The following CDC42SE2 variants were observed in gnomAD, a reference collection of about 807,000 sequenced individuals.
The protein encoded by CDC42SE2 is CDC42 small effector protein 2.
Under a neutral mutation model 11.5 loss-of-function variants are expected in CDC42SE2, and 3 were observed. The ratio of observed to expected loss-of-function variants is 0.26; its 90% CI spans 0.12 to 0.67. The LOEUF (loss-of-function observed/expected upper bound fraction) is 0.67, where lower values mean the gene tolerates loss of function less well. CDC42SE2 is among the 30% of genes least tolerant of loss of function. The probability of loss-of-function intolerance (pLI) is 0.80; values close to 1 mark genes in which losing one functional copy is unlikely to be tolerated. For missense variants in CDC42SE2, 82 were observed against 106.8 expected, an observed-to-expected ratio of 0.77 and a Z score of 1.02; for synonymous variants, 33 against 34.8, an observed-to-expected ratio of 0.95 and a Z score of 0.18.
At chr5:131,275,872 C>T (rs573775560) in intron 1 of CDC42SE2, among the ~76,000 whole-genome samples, 1 of 150,652 alleles carries the variant, frequency 6.6e-6, no homozygotes, top group South Asian at 2.1e-4. Flanking sequence ...CCTAGTTACT[C>T]TCCTTTCAAA....
chr5:131,265,180 G>T (rs1370708159), intron 1 of CDC42SE2, among the ~76,000 whole-genome samples: 1 of 152,026 alleles, frequency 6.6e-6, no homozygotes, highest in Non-Finnish European at 1.5e-5. Context: ...TGAACAGTCC[G>T]TTCTTACTCT....
chr5:131,315,440 T>C (rs1758021500), intron 1 of CDC42SE2, among the ~76,000 whole-genome samples: 1 of 152,210 alleles, frequency 6.6e-6, no homozygotes, highest in Admixed American at 6.5e-5. Context: ...CAAGCTCAGA[T>C]GTCTGCAGGG....
chr5:131,384,530 A>T (rs183623858), intron 3 of CDC42SE2, among the ~76,000 whole-genome samples: 49 of 152,316 alleles, frequency 3.2e-4, no homozygotes, highest in Non-Finnish European at 5.7e-4. Flanking sequence ...GCAGAGCCCC[A>T]TAGTAGGACA....
At chr5:131,364,500 C>T (rs1002279036) in intron 3 of CDC42SE2, among the ~76,000 whole-genome samples, 2 of 152,182 alleles carry the variant, frequency 1.3e-5, no homozygotes, top group African/African-American at 4.8e-5. Context: ...CATGAAAAGA[C>T]TGGTTTTTAT....
At position 131,265,116 on chromosome 5, in the gene CDC42SE2, T is replaced by C. The variant is rs552100042; in HGVS notation, c.-455+950T>C. 3.8e-4 allele frequency among the ~76,000 whole-genome samples: 58 copies of C among 152,314 alleles called. 1 individual carries two copies. The highest frequency in any genetic ancestry group is 2.1e-3 in the Admixed American group (32 of 15,302). ...TTAAGGAAAGAATGTCGGCAAACAG[T>C]ATGTATTTTTGATATACGTTTTTTA... On this transcript the variant is annotated intron_variant, in intron 1 of 4. Transcript: ENST00000505065.
intron 2 of CDC42SE2, among the ~76,000 whole-genome samples, chr5:131,344,143 C>T (rs937667857): frequency 2.0e-5 from 3 of 152,150 alleles, no homozygotes; most frequent in Admixed American, 1.3e-4. Context: ...ACTGAGGTAC[C>T]GGGTTCATCT....
At chr5:131,325,679 C>G (rs926828884) in intron 2 of CDC42SE2, among the ~76,000 whole-genome samples, 1 of 152,088 alleles carries the variant, frequency 6.6e-6, no homozygotes, top group African/African-American at 2.4e-5. Context: ...ATTTTTTACC[C>G]AAGGAAACTG....
At position 131,334,104 on chromosome 5, in the gene CDC42SE2, C is replaced by A. The variant is rs1758494443; in HGVS notation, c.-286+17960C>A. ...AGTATGATATTGGCTGTGGGTTTGT[C>A]ATAGATAGCTCTTATTATTTTGAGA... On this transcript the variant is annotated intron_variant, in intron 2 of 4. Transcript: ENST00000505065. Among the ~76,000 whole-genome samples, 7 of 152,072 alleles carry A rather than the reference C, an allele frequency of 4.6e-5. No homozygotes were observed. In the South Asian group the frequency reaches 1.5e-3, roughly 32 times the overall value.
intron 3 of CDC42SE2, among the ~76,000 whole-genome samples, chr5:131,378,394 A>C (rs1293143531): frequency 6.6e-6 from 1 of 150,482 alleles, no homozygotes; most frequent in Admixed American, 6.6e-5. Context: ...TCACGCACCC[A>C]GGGAATCACT....
intron 2 of CDC42SE2, among the ~76,000 whole-genome samples, chr5:131,257,478 A>T (rs1561562549): frequency 2.2e-5 from 3 of 139,292 alleles, no homozygotes; most frequent in Non-Finnish European, 4.7e-5. Context: ...CCACTTGCTA[A>T]TTTTTTTTTT....
At chr5:131,355,015 A>G (rs562905880) in intron 2 of CDC42SE2, among the ~76,000 whole-genome samples, 3 of 152,118 alleles carry the variant, frequency 2.0e-5, no homozygotes, top group Non-Finnish European at 4.4e-5. Flanking sequence ...GGTCCAAGGA[A>G]ATGTTCACTG....
intron 2 of CDC42SE2, among the ~76,000 whole-genome samples, chr5:131,343,142 G>A (rs1463052994): frequency 6.7e-6 from 1 of 149,744 alleles, no homozygotes; most frequent in Admixed American, 6.7e-5. Context: ...AGTGTATAAT[G>A]GTCCCACCCA....
At chr5:131,369,041 C>G (rs559018688) in intron 3 of CDC42SE2, among the ~76,000 whole-genome samples, 12 of 152,328 alleles carry the variant, frequency 7.9e-5, no homozygotes, top group African/African-American at 2.4e-4. Flanking sequence ...ACACACGTGC[C>G]TGTTCCAACA....
chr5:131,303,740 G>A (rs1561577873), intron 1 of CDC42SE2, among the ~76,000 whole-genome samples: 1 of 152,206 alleles, frequency 6.6e-6, no homozygotes. Context: ...CATACAGCCT[G>A]TACTCATTCA....
At chr5:131,266,578 G>A (rs1756871351) in intron 1 of CDC42SE2, among the ~76,000 whole-genome samples, 1 of 151,020 alleles carries the variant, frequency 6.6e-6, no homozygotes. Context: ...TCATGCCTCA[G>A]CCTCCCATGT....
chr5:131,363,175 A>G (rs1463760883), intron 3 of CDC42SE2, among the ~76,000 whole-genome samples: 1 of 151,954 alleles, frequency 6.6e-6, no homozygotes, highest in African/African-American at 2.4e-5. Flanking sequence ...CTGTTGACAG[A>G]ACTATAGTGA....
chr5:131,300,377 G>T (rs1300598605), intron 1 of CDC42SE2, among the ~76,000 whole-genome samples: 2 of 151,998 alleles, frequency 1.3e-5, no homozygotes, highest in Non-Finnish European at 2.9e-5. Flanking sequence ...GGGAATAAGA[G>T]AACAAAGAAC....
chr5:131,298,899 A>G (rs537846778), intron 1 of CDC42SE2, among the ~76,000 whole-genome samples: 1 of 152,306 alleles, frequency 6.6e-6, no homozygotes, highest in South Asian at 2.1e-4. Flanking sequence ...CCTCTGTAAT[A>G]TAAATGCCCT....
intron 4 of CDC42SE2, among the ~76,000 whole-genome samples, chr5:131,389,881 T>C (rs1211826004): frequency 6.6e-6 from 1 of 152,210 alleles, no homozygotes; most frequent in Non-Finnish European, 1.5e-5. Context: ...TTGTGTTCCT[T>C]CTTCTAGCAG....
Sources: gnomAD v4.1 joint callset for allele counts (sites outside exome capture counted in the v4.1 genomes callset) on GRCh38, gnomAD v4.1.1 for gene constraint, MANE v1.5 for transcripts, NCBI Gene and HGNC (gene_info 2026-07-23, HGNC 2026-07-21) for gene names.